The following EOGT variants were observed in gnomAD, a reference collection of about 807,000 sequenced individuals.
EOGT encodes EGF domain specific O-linked N-acetylglucosamine transferase.
EOGT carries 55 observed loss-of-function variants against 70.5 expected under a neutral mutation model. That is an observed-to-expected ratio of 0.78 (90% CI 0.63 to 0.98). The LOEUF is 0.98. Ranked by LOEUF, EOGT falls within the 50% of genes least tolerant of loss-of-function variation. The pLI is 0.00. For synonymous variants in EOGT, 246 were observed against 217.1 expected (o/e 1.13, Z -1.17); for missense variants, 703 against 641.9 (o/e 1.10, Z -1.03).
chr3:69,013,077 G>C (rs2091615691), intron 1 of EOGT, among the ~76,000 whole-genome samples: 1 of 152,118 alleles, frequency 6.6e-6, no homozygotes, highest in Admixed American at 6.5e-5. Context: ...GCAGAGCCCA[G>C]CTGTCCGCTT....
intron 10 of EOGT, among the ~76,000 whole-genome samples, chr3:68,995,129 A>C (rs1366878709): frequency 6.6e-6 from 1 of 152,174 alleles, no homozygotes; most frequent in African/African-American, 2.4e-5. Context: ...TCCCTGGGCA[A>C]ACTGCTCATC....
At chr3:68,989,658 G>T (rs377187235) in intron 10 of EOGT, among the ~76,000 whole-genome samples, 1 of 146,432 alleles carries the variant, frequency 6.8e-6, no homozygotes, top group Non-Finnish European at 1.5e-5. Flanking sequence ...TGAGACAGGA[G>T]AATCACTTGA....
Position 68,988,432 on chromosome 3 carries a change from T to C in EOGT, c.997-51A>G, listed in dbSNP as rs116436573. On this transcript the variant is annotated intron_variant, in intron 12 of 17. Transcript: ENST00000383701. ...TACAATGAATACTTCTGTATTATAA[T>C]TTAAGATACTGTCAACTTATGTATA... 2,821 of 1,489,708 alleles carry C rather than the reference T, an allele frequency of 1.9e-3. 57 individuals are homozygous for C. In the African/African-American group the frequency reaches 0.034, roughly 18 times the overall value. The allele number at this position is 1,489,708 out of a possible 1,614,324, so 92.3% of individuals were successfully genotyped here. A position where few individuals can be genotyped will look rare whatever the true frequency, so the allele number is the denominator to read the frequency against.
chr3:68,992,743 C>T (rs1398316099), intron 10 of EOGT, among the ~76,000 whole-genome samples: 2 of 152,224 alleles, frequency 1.3e-5, no homozygotes, highest in African/African-American at 4.8e-5. Flanking sequence ...TCATGAGAGC[C>T]CCGCCCCTGC....
Position 69,007,836 on chromosome 3 carries a change from A to C in EOGT, c.312-15T>G. On this transcript the variant is annotated splice_polypyrimidine_tract_variant and intron_variant, in intron 5 of 17. Coordinates refer to ENST00000383701, the MANE Select transcript of EOGT (RefSeq NM_001278689.2). ...GAGTGTCCGTCCTATTTGCAAATAA[A>C]AATATTCTGTGTTTTTTTCTTTTTA... The C allele has an allele frequency of 6.4e-7, 1 of 1,559,822 alleles. No homozygotes were observed.
At position 68,977,640 on chromosome 3, in the gene EOGT, T is replaced by A. The variant is rs2090508669; in HGVS notation, c.1562A>T (p.Lys521Met). 6.2e-7 allele frequency: 1 copy of A among 1,613,944 alleles called. No homozygotes were observed. Among genetic ancestry groups the A allele is most frequent in the African/African-American group, 1.3e-5 (1 of 75,044 alleles). Residue 521 changes from lysine to methionine, a missense_variant, in exon 18 of 18, where the codon AAG becomes ATG. Lys to Met is a moderately conservative substitution (Grantham distance 95). Coordinates refer to ENST00000383701, the MANE Select transcript of EOGT (RefSeq NM_001278689.2). The stretch of plus-strand genomic sequence containing the variant: ...TATTTATAGCTCATCATGTTTCTTC[T>A]TAAATGGCCACTTTGGGTGTTGCAA... ...HVLQHPKWPF[K>M]KKHDEL
chr3:69,011,417 T>C (rs1292291666), intron 3 of EOGT, among the ~76,000 whole-genome samples: 2 of 151,532 alleles, frequency 1.3e-5, no homozygotes, highest in Admixed American at 6.6e-5. Flanking sequence ...CTTGAGTCCC[T>C]GAGTTCGAGA....
intron 12 of EOGT, 41 bp from the exon 13 acceptor site, chr3:68,988,422 T>C: frequency 2.0e-6 from 3 of 1,495,326 alleles, no homozygotes; most frequent in Admixed American, 2.0e-5. Context: ...TGAATACTTC[T>C]GTATTATAAT....
At position 69,005,225 on chromosome 3, in the gene EOGT, T is replaced by C. The variant is rs1020006394; in HGVS notation, c.430A>G (p.Ser144Gly). The change falls in exon 7 of 18, where the codon AGT becomes GGT. Residue 144 changes from serine (S) to glycine (G), a missense_variant. Physicochemically the swap from Ser to Gly is moderately conservative, Grantham distance 56. Coordinates refer to ENST00000383701, the MANE Select transcript of EOGT (RefSeq NM_001278689.2). ...LCQPKETSDS[S>G]LVCSRYLQYC... ...TGAAGATAACGGGAACACACCAGAC[T>C]TGAGTCACTCTGAAGGTTGAGCAAA... 9.4e-6 allele frequency: 15 copies of C among 1,589,620 alleles called. No homozygotes were observed. Among genetic ancestry groups the C allele is most frequent in the Admixed American group, 1.7e-5 (1 of 59,012 alleles).
Position 68,977,385 on chromosome 3 carries a change from G to T in EOGT, c.*233C>A. On this transcript the variant is annotated 3_prime_UTR_variant, in exon 18 of 18. Coordinates refer to ENST00000383701, the MANE Select transcript of EOGT (RefSeq NM_001278689.2). ...ACTGGGGAGTCCATGCTTAATTTTT[G>T]AACTATAAAAAGTTTTCAGTGCAAA... 2.4e-6 allele frequency: 1 copy of T among 423,300 alleles called. No homozygotes were observed. 26.2% of individuals were successfully genotyped at this position (423,300 alleles called of 1,614,324 possible). A position where few individuals can be genotyped will look rare whatever the true frequency, so the allele number is the denominator to read the frequency against.
In EOGT at chr3:68,976,084, G is replaced by A. The variant is rs1007410133; in HGVS notation, c.*1534C>T. On this transcript the variant is annotated 3_prime_UTR_variant, in exon 18 of 18. Coordinates refer to ENST00000383701, the MANE Select transcript of EOGT (RefSeq NM_001278689.2). ...TAAATTGAAAGTTCATAAGCAGTAA[G>A]AAATGAATCCCACTCAAAGAGTGGG... 1 of 152,168 alleles carries A rather than the reference G, an allele frequency of 6.6e-6. No individual in the cohort carries two copies. Among genetic ancestry groups the A allele is most frequent in the Non-Finnish European group, 1.5e-5 (1 of 68,022 alleles). 9.4% of individuals were successfully genotyped at this position (152,168 alleles called of 1,614,324 possible).
In EOGT at chr3:68,988,398, G is replaced by C. The variant is rs1030123123; in HGVS notation, c.997-17C>G. 11 of 1,522,398 alleles carry C rather than the reference G, an allele frequency of 7.2e-6. No homozygotes were observed. 94.3% of individuals were successfully genotyped at this position (1,522,398 alleles called of 1,614,324 possible). Reference sequence around the variant, plus strand: ...GCCAGATATCTAAAATAAAAACACTGGTTCATATTACAATGAATACTTCTG... The same window carrying C: ...GCCAGATATCTAAAATAAAAACACTCGTTCATATTACAATGAATACTTCTG... On this transcript the variant is annotated splice_polypyrimidine_tract_variant and intron_variant, in intron 12 of 17. Transcript: ENST00000383701.
intron 8 of EOGT, among the ~76,000 whole-genome samples, chr3:69,002,347 A>C (rs1024346242): frequency 2.0e-5 from 3 of 152,212 alleles, no homozygotes; most frequent in African/African-American, 7.2e-5. Context: ...TTATACAACA[A>C]TAGGTAATAA....
In EOGT at chr3:69,005,197, T is replaced by C. The variant is rs1040302059; in HGVS notation, c.458A>G (p.Tyr153Cys). The C allele has an allele frequency of 6.2e-7, 1 of 1,605,626 alleles. No homozygotes were observed. The highest frequency in any genetic ancestry group is 1.3e-5 in the African/African-American group (1 of 74,612). ...AAGATAGAGATTGGTTGCTCTGCAG[T>C]ACTGAAGATAACGGGAACACACCAG... ...SSLVCSRYLQ[Y>C]CRATNLYLDL... The change falls in exon 7 of 18, where the codon TAC (tyrosine) becomes TGC (cysteine). Residue 153 changes from tyrosine (Y) to cysteine (C), a missense_variant. Coordinates refer to ENST00000383701, the MANE Select transcript of EOGT (RefSeq NM_001278689.2).
Position 69,005,228 on chromosome 3 carries a change from A to G in EOGT, c.427T>C (p.Ser143Pro). The change falls in exon 7 of 18, where the codon TCA becomes CCA. Residue 143 changes from serine (S) to proline (P), a missense_variant. By Grantham distance (74) the Ser-to-Pro change is moderately conservative. Transcript: ENST00000383701. ...AGATAACGGGAACACACCAGACTTG[A>G]GTCACTCTGAAGGTTGAGCAAAAGA... ...VLCQPKETSD[S>P]SLVCSRYLQY... The G allele has an allele frequency of 7.0e-6, 11 of 1,582,732 alleles. No homozygotes were observed. The highest frequency in any genetic ancestry group is 9.5e-6 in the Non-Finnish European group (11 of 1,154,402).
rs1352535920 is a variant in EOGT, at chr3:68,976,288, G to A, written c.*1330C>T. On this transcript the variant is annotated 3_prime_UTR_variant, in exon 18 of 18. Coordinates refer to ENST00000383701, the MANE Select transcript of EOGT (RefSeq NM_001278689.2). The stretch of plus-strand genomic sequence containing the variant: ...AAATTAAAGACTGGAATACTTTCAT[G>A]CTGACAGAGGTAGACGCACACGCAC... The A allele has an allele frequency of 6.6e-6, 1 of 152,186 alleles. No homozygotes were observed. Among genetic ancestry groups the A allele is most frequent in the African/African-American group, 2.4e-5 (1 of 41,442 alleles). The allele number at this position is 152,186 out of a possible 1,614,324, so 9.4% of individuals were successfully genotyped here.
At chr3:68,991,031 T>C (rs2090980762) in intron 10 of EOGT, among the ~76,000 whole-genome samples, 1 of 152,104 alleles carries the variant, frequency 6.6e-6, no homozygotes, top group Non-Finnish European at 1.5e-5. Context: ...TTAAAAGAAG[T>C]GATTCTAGAT....
intron 10 of EOGT, among the ~76,000 whole-genome samples, chr3:68,991,296 G>A (rs2090987093): frequency 6.6e-6 from 1 of 152,184 alleles, no homozygotes; most frequent in African/African-American, 2.4e-5. Context: ...TTCCTTTAGT[G>A]TGTCTCAAAT....
At chr3:68,994,069 G>A (rs1201033638) in intron 10 of EOGT, among the ~76,000 whole-genome samples, 1 of 152,054 alleles carries the variant, frequency 6.6e-6, no homozygotes, top group Non-Finnish European at 1.5e-5. Context: ...TGTCTCTACA[G>A]AAAATAAATT....
Sources: allele counts gnomAD v4.1 joint callset (sites outside exome capture counted in the v4.1 genomes callset), GRCh38; gene constraint gnomAD v4.1.1; transcripts MANE v1.5; gene names NCBI Gene and HGNC (gene_info 2026-07-23, HGNC 2026-07-21).